Variants in POC1B observed in about 807,000 individuals in gnomAD.
The protein encoded by POC1B is POC1 centriolar protein B.
Under a neutral mutation model 60.6 loss-of-function variants are expected in POC1B, and 44 were observed. The ratio of observed to expected loss-of-function variants is 0.73; its 90% CI spans 0.57 to 0.93. POC1B has a LOEUF of 0.93. Among genes scored for constraint, POC1B ranks in the 40% least tolerant of loss-of-function variants. The probability of loss-of-function intolerance (pLI) is 0.00; values close to 1 mark genes in which losing one functional copy is unlikely to be tolerated. For missense variants in POC1B, 555 were observed against 572.3 expected (o/e 0.97, Z 0.31); for synonymous variants, 180 against 198.9 (o/e 0.90, Z 0.80).
chr12:89,414,184 T>C, the POC1B span, among the ~76,000 whole-genome samples: 1 of 152,174 alleles, frequency 6.6e-6, no homozygotes, highest in African/African-American at 2.4e-5. Flanking sequence ...TGAGCCACCA[T>C]GCCCAGCCAA....
chr12:89,425,847 C>T (rs951604428), intron 10 of POC1B: 2 of 153,358 alleles, frequency 1.3e-5, no homozygotes, highest in African/African-American at 4.8e-5. Context: ...GTTAGTTACC[C>T]CCAAAATTAA....
At chr12:89,501,919 C>A in intron 2 of POC1B, 1 of 1,122,312 alleles carries the variant, frequency 8.9e-7, no homozygotes, top group Non-Finnish European at 1.4e-6. Flanking sequence ...TATCATTGGT[C>A]ATGATGAAAT....
intron 2 of POC1B, chr12:89,501,504 G>C: frequency 1.0e-6 from 1 of 978,468 alleles, no homozygotes; most frequent in Middle Eastern, 3.0e-4. Flanking sequence ...AGCGTGAAGA[G>C]ATGGGAAATG....
chr12:89,403,903 C>T, the POC1B span, among the ~76,000 whole-genome samples: 2 of 152,098 alleles, frequency 1.3e-5, no homozygotes, highest in East Asian at 1.9e-4. Flanking sequence ...GAGGCCCAGG[C>T]GGGAGGATCA....
At chr12:89,460,179 T>C (rs903399414) in intron 9 of POC1B, 2 of 189,290 alleles carry the variant, frequency 1.1e-5, no homozygotes, top group East Asian at 1.4e-4. Flanking sequence ...AGTCCCAAAA[T>C]CAATATATGA....
At chr12:89,416,409 G>C (rs1028766208), downstream of POC1B, among the ~76,000 whole-genome samples, 2 of 152,220 alleles carry the variant, frequency 1.3e-5, no homozygotes, top group Non-Finnish European at 2.9e-5. Context: ...ATGGTGAAAA[G>C]TTCAGCAGGG....
intron 7 of POC1B, among the ~76,000 whole-genome samples, chr12:89,468,087 T>C (rs1390591981): frequency 1.3e-5 from 2 of 152,206 alleles, no homozygotes; most frequent in Admixed American, 6.5e-5. Flanking sequence ...ATGAAGTCCA[T>C]TTCCTGACCA....
At chr12:89,403,354 A>G in the POC1B span, among the ~76,000 whole-genome samples, 15 of 152,258 alleles carry the variant, frequency 9.9e-5, no homozygotes, top group East Asian at 2.7e-3. Context: ...CCTCAATTTG[A>G]AACTGTGATG....
chr12:89,446,440 A>G (rs1166076380), intron 10 of POC1B, among the ~76,000 whole-genome samples: 4 of 152,240 alleles, frequency 2.6e-5, no homozygotes, highest in Non-Finnish European at 4.4e-5. Flanking sequence ...GGATGAGTTC[A>G]TGTCCTTTTT....
Position 89,497,189 on chromosome 12 carries a change from C to T in POC1B, c.254G>A (p.Arg85Lys), listed in dbSNP as rs779703981. The part of the protein sequence containing the change: ...LASASRDRTV[R>K]LWIPDKRGKF... The stretch of plus-strand genomic sequence containing the variant: ...CTCTTACTTATCAGGAATCCAGAGT[C>T]TCACGGTTCTGTCTCGTGAGGCAGA... Residue 85 changes from arginine to lysine, a missense_variant, in exon 3 of 12, where the codon AGA becomes AAA. Physicochemically the swap from Arg to Lys is conservative, Grantham distance 26. Transcript: ENST00000313546. The T allele has an allele frequency of 2.1e-5, 34 of 1,613,508 alleles. No homozygotes were observed. Among genetic ancestry groups the T allele is most frequent in the Admixed American group, 5.0e-5 (3 of 59,932 alleles).
the POC1B span, among the ~76,000 whole-genome samples, chr12:89,401,608 T>A: frequency 6.6e-6 from 1 of 152,024 alleles, no homozygotes; most frequent in Non-Finnish European, 1.5e-5. Flanking sequence ...TCAGGACACT[T>A]CTGAAAAAAA....
rs1389512125 is a variant in POC1B at position 89,425,243 on chromosome 12, G to A, written c.1250C>T (p.Pro417Leu). 1 of 1,613,980 alleles carries A rather than the reference G, an allele frequency of 6.2e-7. No homozygotes were observed. The highest frequency in any genetic ancestry group is 8.5e-7 in the Non-Finnish European group (1 of 1,180,012). Residue 417 changes from proline to leucine, a missense_variant, in exon 11 of 12, where the codon CCC becomes CTC. Coordinates refer to ENST00000313546, the MANE Select transcript of POC1B (RefSeq NM_172240.3). ...KKKTEDMSDL[P>L]CESQRSIPLA... is the part of the protein sequence containing the mutation. The stretch of plus-strand genomic sequence containing the variant: ...AGGTATGCTCCTTTGACTTTCACAG[G>A]GGAGGTCACTCATGTCTTCTGTTTT...
At chr12:89,427,959 C>T (rs1478078854) in intron 10 of POC1B, 2 of 152,214 alleles carry the variant, frequency 1.3e-5, no homozygotes, top group African/African-American at 4.8e-5. Flanking sequence ...AGGAAGACAA[C>T]ATACAGCACT....
chr12:89,522,777 A>G, intron 2 of POC1B: 3 of 1,527,666 alleles, frequency 2.0e-6, no homozygotes, highest in Non-Finnish European at 2.6e-6. Flanking sequence ...CTTTCTTGAC[A>G]CTACTGTCAG....
chr12:89,500,876 T>TA, intron 2 of POC1B: 10 of 1,070,170 alleles, frequency 9.3e-6, no homozygotes, highest in South Asian at 1.4e-5. Context: ...AATGACAAGC[T>TA]AAAAAAAGTT....
At chr12:89,474,429 A>C (rs537388921) in intron 4 of POC1B, among the ~76,000 whole-genome samples, 1 of 152,328 alleles carries the variant, frequency 6.6e-6, no homozygotes, top group South Asian at 2.1e-4. Flanking sequence ...TACTTACCCT[A>C]TGACATCAAC....
intron 2 of POC1B, chr12:89,524,721 G>A: frequency 1.4e-6 from 1 of 695,206 alleles, no homozygotes; most frequent in Admixed American, 2.9e-5. Flanking sequence ...GAGCCCTCTC[G>A]GTCCTCGGCC....
chr12:89,490,979 T>G (rs1444054919), intron 4 of POC1B, among the ~76,000 whole-genome samples: 1 of 152,134 alleles, frequency 6.6e-6, no homozygotes, highest in African/African-American at 2.4e-5. Context: ...GCTTTGACAG[T>G]CTATTCTCCA....
At chr12:89,459,977 C>A in intron 9 of POC1B, 1 of 453,840 alleles carries the variant, frequency 2.2e-6, no homozygotes. Context: ...ATGTAATTTA[C>A]CTAAAAAGGA....
Sources: gnomAD v4.1 joint callset for allele counts (sites outside exome capture counted in the v4.1 genomes callset) on GRCh38, gnomAD v4.1.1 for gene constraint, MANE v1.5 for transcripts, NCBI Gene and HGNC (gene_info 2026-07-23, HGNC 2026-07-21) for gene names.